The following NAV3 variants were observed in gnomAD, a reference collection of about 807,000 sequenced individuals.
NAV3 encodes the protein neuron navigator 3, also known as pore membrane and/or filament interacting like protein 1.
Under a neutral mutation model 244.7 loss-of-function variants are expected in NAV3, and 87 were observed. The ratio of observed to expected loss-of-function variants is 0.36; its 90% confidence interval spans 0.30 to 0.42. The LOEUF is 0.42. NAV3 is among the 20% of genes least tolerant of loss of function. NAV3 has a pLI of 1.00. For missense variants in NAV3, 2,663 were observed against 2,893.3 expected (o/e 0.92, Z 1.83); for synonymous variants, 1,126 against 1,042.2 (o/e 1.08, Z -1.55).
At chr12:77,798,362 G>T (rs1276500709) in intron 2 of NAV3, among the ~76,000 whole-genome samples, 7 of 151,926 alleles carry the variant, frequency 4.6e-5, no homozygotes, top group Admixed American at 4.6e-4. Flanking sequence ...TTGTTATTAA[G>T]ATATATAAAT....
intron 3 of NAV3, among the ~76,000 whole-genome samples, chr12:77,963,018 A>T (rs1593132689): frequency 8.0e-6 from 1 of 125,064 alleles, no homozygotes; most frequent in Non-Finnish European, 1.9e-5. Flanking sequence ...GAATTTTGTT[A>T]GTTTGTTTGA....
chr12:78,049,667 A>G (rs1289320630), intron 9 of NAV3, among the ~76,000 whole-genome samples: 1 of 152,136 alleles, frequency 6.6e-6, no homozygotes, highest in African/African-American at 2.4e-5. Context: ...CATCTTTCTC[A>G]GGTCATAATC....
chr12:77,845,981 G>T (rs1382124506), intron 1 of NAV3, among the ~76,000 whole-genome samples: 1 of 152,048 alleles, frequency 6.6e-6, no homozygotes, highest in East Asian at 1.9e-4. Flanking sequence ...AACATTAAGT[G>T]TACCAAAATA....
At chr12:78,162,913 T>TATATAATATATATATATAAATATATATAA in intron 23 of NAV3, among the ~76,000 whole-genome samples, 1 of 112,008 alleles carries the variant, frequency 8.9e-6, no homozygotes, top group East Asian at 3.2e-4. Flanking sequence ...AATATATATA[T>TATATAATATATATATATAAATATATATAA]TATATAATAT....
Position 77,986,721 on chromosome 12 carries a change from A to C in NAV3, c.672-8082A>C, listed in dbSNP as rs114405801. On this transcript the variant is annotated intron_variant, in intron 5 of 39. Coordinates refer to ENST00000397909, the MANE Select transcript of NAV3 (RefSeq NM_001024383.2). ...ATAGAATAGTCTACAAACATCTTACATGAAATTATTAAAATTTTCTTAGCT... is the reference window on the plus strand; with the variant it reads ...ATAGAATAGTCTACAAACATCTTACCTGAAATTATTAAAATTTTCTTAGCT... Among the ~76,000 whole-genome samples the C allele has an allele frequency of 7.8e-3, 1,184 of 152,328 alleles. 16 individuals carry two copies. The highest frequency in any genetic ancestry group is 0.027 in the African/African-American group (1,107 of 41,578).
intron 1 of NAV3, among the ~76,000 whole-genome samples, chr12:77,870,774 A>T (rs1356344136): frequency 6.6e-6 from 1 of 152,180 alleles, no homozygotes; most frequent in East Asian, 1.9e-4. Flanking sequence ...ATAAACTGAG[A>T]AAGGGGGAGG....
chr12:77,738,529 A>C (rs1469567200), intron 2 of NAV3, among the ~76,000 whole-genome samples: 1 of 152,218 alleles, frequency 6.6e-6, no homozygotes, highest in Non-Finnish European at 1.5e-5. Context: ...TATAATTAAC[A>C]GAAGGAAGTG....
intron 5 of NAV3, among the ~76,000 whole-genome samples, chr12:77,989,745 T>G (rs956297060): frequency 2.6e-5 from 4 of 152,212 alleles, no homozygotes; most frequent in African/African-American, 4.8e-5. Flanking sequence ...TGAAGTTGCC[T>G]TATAAATAAA....
intron 12 of NAV3, among the ~76,000 whole-genome samples, chr12:78,110,450 A>T (rs2138387385): frequency 6.6e-6 from 1 of 152,206 alleles, no homozygotes; most frequent in Non-Finnish European, 1.5e-5. Flanking sequence ...TTAGTATGGA[A>T]TGAGAACAGA....
At chr12:77,824,582 G>A (rs1203057081) in intron 2 of NAV3, among the ~76,000 whole-genome samples, 2 of 151,654 alleles carry the variant, frequency 1.3e-5, no homozygotes, top group East Asian at 3.9e-4. Flanking sequence ...AACACAACCT[G>A]AACAAAACAT....
chr12:77,902,136 C>T (rs944057055), intron 1 of NAV3, among the ~76,000 whole-genome samples: 1 of 152,010 alleles, frequency 6.6e-6, no homozygotes, highest in Non-Finnish European at 1.5e-5. Flanking sequence ...CTTTAGTTGT[C>T]GAGTTATTTT....
chr12:77,666,796 T>A lies in NAV3; in HGVS notation c.72+94530T>A, dbSNP rs117574569. The stretch of plus-strand genomic sequence containing the variant: ...CTTTTAAGGTTGATTTGATTAATCA[T>A]ACTTCTATTGAGTATTTTCTATCTG... On this transcript the variant is annotated intron_variant, in intron 2 of 8. Coordinates refer to the NAV3 transcript ENST00000550042. Among the ~76,000 whole-genome samples the A allele has an allele frequency of 9.5e-3, 1,443 of 152,348 alleles. 60 individuals carry two copies. Among genetic ancestry groups the A allele is most frequent in the East Asian group, 0.072 (372 of 5,172 alleles).
At chr12:78,005,969 T>A (rs1329766965) in intron 7 of NAV3, among the ~76,000 whole-genome samples, 4 of 152,186 alleles carry the variant, frequency 2.6e-5, no homozygotes, top group African/African-American at 9.7e-5. Flanking sequence ...AGGGCAGCAG[T>A]GAGATCTCAG....
intron 1 of NAV3, among the ~76,000 whole-genome samples, chr12:77,892,007 T>A (rs1883996338): frequency 6.6e-6 from 1 of 152,076 alleles, no homozygotes; most frequent in Non-Finnish European, 1.5e-5. Flanking sequence ...GTTTCATGGG[T>A]TTAGAGAAAT....
intron 2 of NAV3, among the ~76,000 whole-genome samples, chr12:77,696,146 CA>C (rs1278552245): frequency 1.3e-5 from 2 of 152,096 alleles, no homozygotes; most frequent in African/African-American, 4.8e-5. Context: ...AAAAGGATCC[CA>C]ATAATTTTTC....
Position 78,188,671 on chromosome 12 carries a change from C to T in NAV3, c.5949C>T (p.Ser1983=), listed in dbSNP as rs767370925. The T allele has an allele frequency of 6.2e-7, 1 of 1,612,332 alleles. No individual in the cohort carries two copies. The highest frequency in any genetic ancestry group is 2.2e-5 in the East Asian group (1 of 44,808). The part of the protein sequence containing the change: ...SLGLSSDCIA[S]YCIGDLIRSH... ...GTCTGAGCTCTGACTGCATTGCTAG[C>T]TACTGTATAGGAGACTTAATTAGAT... Residue 1983 remains serine (S), a synonymous_variant, in exon 33 of 40, where the codon AGC becomes AGT. Coordinates refer to ENST00000397909, the MANE Select transcript of NAV3 (RefSeq NM_001024383.2).
At chr12:77,864,803 G>A (rs1207211237) in intron 1 of NAV3, among the ~76,000 whole-genome samples, 1 of 151,868 alleles carries the variant, frequency 6.6e-6, no homozygotes, top group East Asian at 1.9e-4. Context: ...TTTAAAGAAT[G>A]TATGCTTGAT....
At chr12:78,198,918 C>CAAAAAAAAAAAAA (rs71088371) in intron 36 of NAV3, among the ~76,000 whole-genome samples, 1 of 99,512 alleles carries the variant, frequency 1.0e-5, no homozygotes, top group Non-Finnish European at 1.8e-5. Context: ...TAAACAAAAA[C>CAAAAAAAAAAAAA]AAAAAAAAAA....
intron 2 of NAV3, among the ~76,000 whole-genome samples, chr12:77,713,265 T>G (rs1876208196): frequency 6.6e-6 from 1 of 152,200 alleles, no homozygotes; most frequent in Admixed American, 6.5e-5. Flanking sequence ...TTTTTAAGTA[T>G]TTGTGTTTCT....
Sources: gnomAD v4.1 joint callset for allele counts (sites outside exome capture counted in the v4.1 genomes callset) on GRCh38, gnomAD v4.1.1 for gene constraint, MANE v1.5 for transcripts, NCBI Gene and HGNC (gene_info 2026-07-23, HGNC 2026-07-21) for gene names.